Variants in NAV1 observed in about 807,000 individuals in gnomAD.
The protein encoded by NAV1 is neuron navigator 1.
NAV1 carries 18 observed loss-of-function variants against 175.2 expected under a neutral mutation model. That is an observed-to-expected ratio of 0.10 (90% confidence interval 0.07 to 0.15). The LOEUF (loss-of-function observed/expected upper bound fraction) is 0.15, where lower values mean the gene tolerates loss of function less well. NAV1 is among the 10% of genes least tolerant of loss of function. NAV1 has a pLI of 1.00. For missense variants in NAV1, 1,731 were observed against 2,436.6 expected (o/e 0.71, Z 6.10); for synonymous variants, 897 against 978.7 (o/e 0.92, Z 1.56).
intron 1 of NAV1, among the ~76,000 whole-genome samples, chr1:201,681,315 G>C (rs937204444): frequency 5.3e-5 from 8 of 152,192 alleles, no homozygotes; most frequent in Admixed American, 1.3e-4. Flanking sequence ...AAAAATAAAA[G>C]ACCCTGTGGT....
chr1:201,712,861 C>G, exon 2 of NAV1: 4 of 1,614,092 alleles, frequency 2.5e-6, no homozygotes, highest in Non-Finnish European at 3.4e-6. Flanking sequence ...TGTCCTGGAT[C>G]TCCGGCAGAA....
intron 3 of NAV1, among the ~76,000 whole-genome samples, chr1:201,758,416 A>G (rs1353209415): frequency 1.3e-5 from 2 of 152,248 alleles, no homozygotes; most frequent in African/African-American, 2.4e-5. Flanking sequence ...GTCAAGCTAC[A>G]TAGCCTATCC....
intron 1 of NAV1, among the ~76,000 whole-genome samples, chr1:201,689,338 CT>C (rs1272186480): frequency 6.6e-6 from 1 of 152,150 alleles, no homozygotes; most frequent in African/African-American, 2.4e-5. Flanking sequence ...TAGGTTGCTT[CT>C]TTTTTCCCAG....
At chr1:201,575,843 A>G (rs962872860) in intron 1 of NAV1, among the ~76,000 whole-genome samples, 4 of 152,194 alleles carry the variant, frequency 2.6e-5, no homozygotes, top group African/African-American at 9.7e-5. Flanking sequence ...GTCCTTGATC[A>G]CCAGGCATGG....
intron 2 of NAV1, among the ~76,000 whole-genome samples, chr1:201,632,236 A>C (rs1668498721): frequency 6.6e-6 from 1 of 152,242 alleles, no homozygotes; most frequent in Non-Finnish European, 1.5e-5. Context: ...GTATTTATAT[A>C]GCAGGAGAAT....
At chr1:201,734,484 AGGAAGAAGG>A (rs1673010693) in intron 3 of NAV1, among the ~76,000 whole-genome samples, 1 of 119,880 alleles carries the variant, frequency 8.3e-6, no homozygotes, top group Non-Finnish European at 1.8e-5. Context: ...GAGGAGGAGG[AGGAAGAAGG>A]AGAAGGAGAA....
chr1:201,612,332 T>A (rs4466691), intron 2 of NAV1, among the ~76,000 whole-genome samples: 19,692 of 152,128 alleles, frequency 0.13, 1,436 homozygotes, highest in East Asian at 0.22. Flanking sequence ...CATGTGCCTG[T>A]GGTGCCAGCT....
At chr1:201,797,406 T>G (rs1677522960) in intron 15 of NAV1, 1 of 152,206 alleles carries the variant, frequency 6.6e-6, no homozygotes, top group Non-Finnish European at 1.5e-5. Context: ...AGTACCACAT[T>G]GTTTTGATTA....
chr1:201,646,942 C>T (rs933189328), upstream of NAV1, among the ~76,000 whole-genome samples: 1 of 152,154 alleles, frequency 6.6e-6, no homozygotes, highest in African/African-American at 2.4e-5. Flanking sequence ...ATGAGACTCA[C>T]ACACAGCGTT....
rs1183876511 is a variant in NAV1 at position 201,750,291 on chromosome 1, C to T, written c.1227-30130C>T. Among the ~76,000 whole-genome samples the T allele has an allele frequency of 6.6e-6, 1 of 152,048 alleles. No individual in the cohort carries two copies. Among genetic ancestry groups the T allele is most frequent in the African/African-American group, 2.4e-5 (1 of 41,384 alleles). ...GAAGTCTCCCAAAGCAGAAAAACAC[C>T]CATTTGCGTGGATGACTTGGTGCAT... On this transcript the variant is annotated intron_variant, in intron 3 of 29. Transcript: ENST00000367296. The surrounding 1 kb of genome is among the most constrained non-coding windows in gnomAD (Gnocchi z 4.1).
At chr1:201,780,927 G>C (rs984013222) in intron 4 of NAV1, 85 bp from the exon 9 acceptor site, 2 of 1,431,974 alleles carry the variant, frequency 1.4e-6, no homozygotes, top group Non-Finnish European at 1.9e-6. Flanking sequence ...GCAGCGCCAG[G>C]TACTAACTAA....
chr1:201,767,432 C>T (rs1048094132), intron 3 of NAV1, among the ~76,000 whole-genome samples: 6 of 151,304 alleles, frequency 4.0e-5, no homozygotes, highest in Non-Finnish European at 7.4e-5. Context: ...GCCTGGGTGA[C>T]AGGGCGAGAC....
intron 1 of NAV1, among the ~76,000 whole-genome samples, chr1:201,652,708 G>A (rs1008516726): frequency 7.2e-5 from 11 of 152,184 alleles, no homozygotes; most frequent in Admixed American, 6.5e-4. Flanking sequence ...ACCCCCTAGG[G>A]ATGGGAAGGG....
chr1:201,673,219 A>G (rs1050944413), intron 1 of NAV1: 2 of 152,266 alleles, frequency 1.3e-5, no homozygotes, highest in Non-Finnish European at 2.9e-5. Context: ...ATTGCTTTTG[A>G]GTCCAACACT....
At chr1:201,717,133 T>C (rs1470511137) in intron 2 of NAV1, among the ~76,000 whole-genome samples, 1 of 152,220 alleles carries the variant, frequency 6.6e-6, no homozygotes, top group Non-Finnish European at 1.5e-5. Flanking sequence ...GAGACAACTT[T>C]GGAAATTTTT....
At chr1:201,772,049 A>G (rs1264144754) in intron 3 of NAV1, among the ~76,000 whole-genome samples, 1 of 152,252 alleles carries the variant, frequency 6.6e-6, no homozygotes, top group East Asian at 1.9e-4. Context: ...GTGAGTGCCC[A>G]CTGTATACAA....
exon 7 of NAV1, chr1:201,783,450 T>G (rs756149031): frequency 6.2e-7 from 1 of 1,614,150 alleles, no homozygotes; most frequent in Non-Finnish European, 8.5e-7. Flanking sequence ...CTAGCCAATC[T>G]TGACAAGGTC....
intron 1 of NAV1, among the ~76,000 whole-genome samples, chr1:201,660,450 C>T (rs1167813208): frequency 6.6e-6 from 1 of 152,156 alleles, no homozygotes; most frequent in Non-Finnish European, 1.5e-5. Flanking sequence ...TACTTGGCAC[C>T]CCAGGACTCT....
intron 3 of NAV1, among the ~76,000 whole-genome samples, chr1:201,720,068 G>A (rs1672315590): frequency 6.6e-6 from 1 of 152,254 alleles, no homozygotes; most frequent in Non-Finnish European, 1.5e-5. Flanking sequence ...CTCACGCTCA[G>A]ATCCACCAGC....
Sources: allele counts gnomAD v4.1 joint callset (sites outside exome capture counted in the v4.1 genomes callset), GRCh38; gene constraint gnomAD v4.1.1; non-coding constraint Gnocchi (gnomAD v3.1); transcripts MANE v1.5; gene names NCBI Gene and HGNC (gene_info 2026-07-23, HGNC 2026-07-21).